Variants in R3HDM2 observed in about 807,000 individuals in gnomAD.
R3HDM2 encodes the protein R3H domain-containing protein 2.
In R3HDM2, 38 loss-of-function variants were observed where a neutral mutation model predicts 124.5. That is an observed-to-expected ratio of 0.31 (90% confidence interval 0.24 to 0.40). The LOEUF (loss-of-function observed/expected upper bound fraction) is 0.40, where lower values mean the gene tolerates loss of function less well. R3HDM2 is among the 10% of genes least tolerant of loss of function. R3HDM2 has a pLI of 1.00. For synonymous variants in R3HDM2, 391 were observed against 448.0 expected (o/e 0.87, Z 1.61); for missense variants, 869 against 1,236.9 (o/e 0.70, Z 4.46).
chr12:57,256,778 C>A lies in R3HDM2; in HGVS notation c.2450-267G>T, dbSNP rs1459666815. On this transcript the variant is annotated intron_variant, in intron 21 of 23. Coordinates refer to ENST00000402412, the MANE Select transcript of R3HDM2 (RefSeq NM_001394031.1). ...GTAGACAACAGTCCTATGAAAATGA[C>A]CAGGGAAGAAACTTACAGACCCTTA... Among the ~76,000 whole-genome samples the A allele has an allele frequency of 4.6e-5, 7 of 151,862 alleles. No homozygotes were observed. The East Asian group carries it at 1.4e-3, about 29-fold the overall frequency.
intron 2 of R3HDM2, among the ~76,000 whole-genome samples, chr12:57,390,181 AAAAGAAAG>A (rs148118140): frequency 5.4e-5 from 8 of 148,616 alleles, no homozygotes; most frequent in Non-Finnish European, 1.0e-4. Context: ...CTAAAAAAAA[AAAAGAAAG>A]AAAGAAAAAA....
At chr12:57,325,267 C>T (rs2057141743) in intron 2 of R3HDM2, among the ~76,000 whole-genome samples, 1 of 152,140 alleles carries the variant, frequency 6.6e-6, no homozygotes, top group South Asian at 2.1e-4. Context: ...CTCAGCCTCC[C>T]CAAGTAGCTG....
intron 1 of R3HDM2, among the ~76,000 whole-genome samples, chr12:57,399,646 A>G (rs1263830663): frequency 6.6e-6 from 1 of 152,198 alleles, no homozygotes; most frequent in Non-Finnish European, 1.5e-5. Context: ...GAGAAGCAGC[A>G]TAGCCTCTAG....
intron 2 of R3HDM2, among the ~76,000 whole-genome samples, chr12:57,394,962 C>A (rs1291142664): frequency 6.6e-6 from 1 of 152,170 alleles, no homozygotes; most frequent in Non-Finnish European, 1.5e-5. Context: ...GTAAACCCAG[C>A]ACTTTGGGAG....
In R3HDM2 at chr12:57,395,821, G is replaced by A. The variant is rs1048722667; in HGVS notation, c.-105-3C>T. On this transcript the variant is annotated splice_polypyrimidine_tract_variant and splice_region_variant and intron_variant, in intron 1 of 23. Coordinates refer to ENST00000402412, the MANE Select transcript of R3HDM2 (RefSeq NM_001394031.1). ...CATATAAGAAACAAGTCTAACCTCT[G>A]GGGGAGGAGGGGGAAAAAAAAAAAC... 67 of 983,762 alleles carry A rather than the reference G, an allele frequency of 6.8e-5. No individual in the cohort carries two copies. The highest frequency in any genetic ancestry group is 7.0e-5 in the Non-Finnish European group (58 of 828,884). 60.9% of individuals were successfully genotyped at this position (983,762 alleles called of 1,614,324 possible).
intron 2 of R3HDM2, among the ~76,000 whole-genome samples, chr12:57,320,279 A>AAAAAAAAAAAAAAAAAAAAAT (rs2056174282): frequency 7.0e-6 from 1 of 143,734 alleles, no homozygotes; most frequent in Non-Finnish European, 1.5e-5. Flanking sequence ...AAAAAAAAAA[A>AAAAAAAAAAAAAAAAAAAAAT]AAAAAAAAAG....
chr12:57,396,430 G>A (rs947886940), intron 1 of R3HDM2, among the ~76,000 whole-genome samples: 2 of 150,744 alleles, frequency 1.3e-5, no homozygotes, highest in Non-Finnish European at 2.9e-5. Context: ...GACAGAGTGA[G>A]ACTCCGTCTC....
At chr12:57,332,638 T>C (rs574560375) in intron 2 of R3HDM2, among the ~76,000 whole-genome samples, 5 of 152,290 alleles carry the variant, frequency 3.3e-5, no homozygotes, top group African/African-American at 1.2e-4. Flanking sequence ...TAAAAAACTG[T>C]GTGAACTGAG....
intron 1 of R3HDM2, among the ~76,000 whole-genome samples, chr12:57,424,276 G>GTAT: frequency 1.3e-5 from 2 of 151,674 alleles, no homozygotes; most frequent in East Asian, 3.9e-4. Flanking sequence ...TCGTGCCTCA[G>GTAT]CCTCCCGAGT....
intron 2 of R3HDM2, among the ~76,000 whole-genome samples, chr12:57,317,187 T>TG (rs1327316413): frequency 1.7e-5 from 2 of 115,518 alleles, no homozygotes; most frequent in Non-Finnish European, 2.0e-5. Context: ...AGGCTTTTTG[T>TG]GTTTTTTTTT....
chr12:57,364,605 G>A, intron 2 of R3HDM2, among the ~76,000 whole-genome samples: 1 of 152,014 alleles, frequency 6.6e-6, no homozygotes, highest in East Asian at 1.9e-4. Context: ...ATCTTTGCTT[G>A]GTACACGTAT....
chr12:57,395,368 G>GTGA (rs2067344144), intron 2 of R3HDM2, among the ~76,000 whole-genome samples: 1 of 152,028 alleles, frequency 6.6e-6, no homozygotes, highest in African/African-American at 2.4e-5. Context: ...GCCGGGCGTG[G>GTGA]TGGTGCATGC....
chr12:57,324,730 T>C (rs920651442), intron 2 of R3HDM2, among the ~76,000 whole-genome samples: 1 of 152,188 alleles, frequency 6.6e-6, no homozygotes, highest in African/African-American at 2.4e-5. Flanking sequence ...TGTAGCTAAA[T>C]GAGTACATGA....
At chr12:57,340,765 A>G (rs1004442671) in intron 2 of R3HDM2, among the ~76,000 whole-genome samples, 4 of 152,172 alleles carry the variant, frequency 2.6e-5, no homozygotes, top group African/African-American at 9.7e-5. Context: ...ACACATTGAC[A>G]GATAGGTAAA....
intron 1 of R3HDM2, among the ~76,000 whole-genome samples, chr12:57,428,002 C>A (rs1385625267): frequency 6.6e-6 from 1 of 151,962 alleles, no homozygotes; most frequent in Non-Finnish European, 1.5e-5. Flanking sequence ...CACCTGTAAT[C>A]CCAGCTACTC....
chr12:57,339,724 G>A (rs1848565496), intron 2 of R3HDM2, among the ~76,000 whole-genome samples: 1 of 151,722 alleles, frequency 6.6e-6, no homozygotes, highest in African/African-American at 2.4e-5. Context: ...AGAGAGAGAA[G>A]GAGAAGCTGT....
At chr12:57,291,675 A>AT (rs1352541530) in intron 11 of R3HDM2, among the ~76,000 whole-genome samples, 3 of 151,724 alleles carry the variant, frequency 2.0e-5, no homozygotes, top group Non-Finnish European at 2.9e-5. Context: ...ACAAAAAAAA[A>AT]CAAAATAAAA....
chr12:57,411,205 TTTG>T (rs2068971479), intron 1 of R3HDM2, among the ~76,000 whole-genome samples: 1 of 152,146 alleles, frequency 6.6e-6, no homozygotes, highest in African/African-American at 2.4e-5. Context: ...ATGCAGGATT[TTTG>T]TTTGTTTTTT....
intron 19 of R3HDM2, among the ~76,000 whole-genome samples, chr12:57,259,443 C>T (rs553576446): frequency 1.1e-4 from 17 of 152,368 alleles, no homozygotes; most frequent in African/African-American, 3.8e-4. Flanking sequence ...GCTGCAGACA[C>T]GTGCAGGCTT....
Sources: gnomAD v4.1 joint callset for allele counts (sites outside exome capture counted in the v4.1 genomes callset) on GRCh38, gnomAD v4.1.1 for gene constraint, MANE v1.5 for transcripts, NCBI Gene and HGNC (gene_info 2026-07-23, HGNC 2026-07-21) for gene names.